DACH1: variants seen among roughly 807,000 people sequenced by gnomAD.
The protein encoded by DACH1 is dachshund family transcription factor 1.
DACH1 carries 12 observed loss-of-function variants against 54.2 expected under a neutral mutation model. The ratio of observed to expected loss-of-function variants is 0.22; its 90% CI spans 0.14 to 0.36. The LOEUF (loss-of-function observed/expected upper bound fraction) is 0.36. Among genes scored for constraint, DACH1 ranks in the 10% least tolerant of loss-of-function variants. The pLI is 1.00. For missense variants in DACH1, 805 were observed against 929.8 expected (o/e 0.87, Z 1.75); for synonymous variants, 386 against 366.2 (o/e 1.05, Z -0.62).
At chr13:71,706,227 A>G (rs1179246315) in intron 1 of DACH1, among the ~76,000 whole-genome samples, 2 of 151,748 alleles carry the variant, frequency 1.3e-5, no homozygotes, top group East Asian at 1.9e-4. Context: ...AATCAGGACA[A>G]CAAAAGGGAT....
At chr13:71,621,067 A>G (rs1019929942) in intron 3 of DACH1, among the ~76,000 whole-genome samples, 3 of 151,972 alleles carry the variant, frequency 2.0e-5, no homozygotes, top group Non-Finnish European at 4.4e-5. Flanking sequence ...TATGTTATCT[A>G]TGTGCATATA....
chr13:71,695,455 AAG>A (rs1220272615), intron 1 of DACH1, among the ~76,000 whole-genome samples: 5 of 152,240 alleles, frequency 3.3e-5, no homozygotes, highest in Admixed American at 1.3e-4. Flanking sequence ...AGAAAGGAAA[AAG>A]AGAAGAAACT....
chr13:71,573,488 C>T (rs1194350236), intron 3 of DACH1: 1 of 713,078 alleles, frequency 1.4e-6, no homozygotes, highest in Non-Finnish European at 2.6e-6. Flanking sequence ...GTGCTCCAGG[C>T]ATGCGGGGGT....
chr13:71,865,098 C>G (rs2138304163), intron 1 of DACH1, among the ~76,000 whole-genome samples: 1 of 152,258 alleles, frequency 6.6e-6, no homozygotes, highest in Middle Eastern at 3.4e-3. Context: ...GGTCACCTCC[C>G]CCTACCGAAG....
intron 6 of DACH1, among the ~76,000 whole-genome samples, chr13:71,505,010 T>C (rs1011460867): frequency 6.6e-6 from 1 of 152,198 alleles, no homozygotes; most frequent in African/African-American, 2.4e-5. Flanking sequence ...TACACTTAAC[T>C]CAGTTTTAAC....
chr13:71,476,711 A>G (rs1877552874), intron 8 of DACH1, among the ~76,000 whole-genome samples: 1 of 152,132 alleles, frequency 6.6e-6, no homozygotes, highest in Non-Finnish European at 1.5e-5. Flanking sequence ...TACATACTCG[A>G]TAAATAATAA....
rs1038008391 is a variant in DACH1 at position 71,581,386 on chromosome 13, C to T, written c.1127-8374G>A. Among the ~76,000 whole-genome samples, 10 of 152,066 alleles carry T rather than the reference C, an allele frequency of 6.6e-5. No individual in the cohort carries two copies. The South Asian group carries it at 2.1e-3, about 31-fold the overall frequency. On this transcript the variant is annotated intron_variant, in intron 3 of 10. Coordinates refer to ENST00000613252, the MANE Select transcript of DACH1 (RefSeq NM_080759.6). The stretch of plus-strand genomic sequence containing the variant: ...TTCAAGCGATTCTTCTGCCCAGCCT[C>T]CAGAGTAGCGAGACTACAGCACACG...
At chr13:71,766,132 C>A (rs897372246) in intron 1 of DACH1, among the ~76,000 whole-genome samples, 3 of 152,154 alleles carry the variant, frequency 2.0e-5, no homozygotes, top group African/African-American at 7.2e-5. Context: ...GTGATCCGTC[C>A]GCCTCGGCCT....
chr13:71,755,740 G>A (rs1265051610), intron 1 of DACH1, among the ~76,000 whole-genome samples: 1 of 152,158 alleles, frequency 6.6e-6, no homozygotes, highest in Non-Finnish European at 1.5e-5. Flanking sequence ...AGACAGACTT[G>A]TATAATGTCT....
intron 1 of DACH1, among the ~76,000 whole-genome samples, chr13:71,755,614 T>C (rs1192180004): frequency 6.6e-6 from 1 of 152,218 alleles, no homozygotes; most frequent in Non-Finnish European, 1.5e-5. Flanking sequence ...CTGAAAGGTA[T>C]GTATCCTAAC....
chr13:71,749,235 G>A (rs901840295), intron 1 of DACH1, among the ~76,000 whole-genome samples: 4 of 151,746 alleles, frequency 2.6e-5, no homozygotes, highest in Non-Finnish European at 4.4e-5. Context: ...CCACCGCCTC[G>A]GCCTCCCAAA....
chr13:71,645,407 T>A (rs1420975309), intron 2 of DACH1, among the ~76,000 whole-genome samples: 1 of 152,190 alleles, frequency 6.6e-6, no homozygotes, highest in Non-Finnish European at 1.5e-5. Context: ...AGAGTGGTCA[T>A]GGTTTATAAT....
chr13:71,816,040 G>C (rs943609982), intron 1 of DACH1, among the ~76,000 whole-genome samples: 2 of 151,916 alleles, frequency 1.3e-5, no homozygotes, highest in African/African-American at 2.4e-5. Flanking sequence ...AGCCGAGATC[G>C]CGCCACTGCA....
intron 6 of DACH1, among the ~76,000 whole-genome samples, chr13:71,555,659 C>G (rs1884197743): frequency 6.6e-6 from 1 of 151,898 alleles, no homozygotes; most frequent in African/African-American, 2.4e-5. Context: ...CTAATTTTTA[C>G]AATATTGCTA....
intron 1 of DACH1, among the ~76,000 whole-genome samples, chr13:71,852,369 T>TA (rs999640074): frequency 7.7e-6 from 1 of 129,802 alleles, no homozygotes; most frequent in African/African-American, 2.9e-5. Context: ...TGCTGCTTTT[T>TA]TTTTTTTTTC....
At chr13:71,823,319 A>G (rs184280951) in intron 1 of DACH1, among the ~76,000 whole-genome samples, 11 of 152,208 alleles carry the variant, frequency 7.2e-5, no homozygotes, top group Non-Finnish European at 1.5e-5. Context: ...AGTGGAAATT[A>G]AAAGGATTTC....
chr13:71,848,726 T>C (rs1024299431), intron 1 of DACH1, among the ~76,000 whole-genome samples: 2 of 152,192 alleles, frequency 1.3e-5, no homozygotes, highest in African/African-American at 4.8e-5. Flanking sequence ...GTTCTCACTA[T>C]GTTGCCCAGG....
intron 7 of DACH1, among the ~76,000 whole-genome samples, chr13:71,486,776 A>C (rs1040198637): frequency 6.6e-6 from 1 of 151,968 alleles, no homozygotes; most frequent in Admixed American, 6.6e-5. Context: ...GTAAGATTGA[A>C]GCGGACAAGC....
At chr13:71,742,409 G>C (rs1433772420) in intron 1 of DACH1, among the ~76,000 whole-genome samples, 2 of 151,930 alleles carry the variant, frequency 1.3e-5, no homozygotes, top group Non-Finnish European at 2.9e-5. Flanking sequence ...TATTCTTCTT[G>C]TCCCTCCAAA....
Sources: allele counts gnomAD v4.1 joint callset (sites outside exome capture counted in the v4.1 genomes callset), GRCh38; gene constraint gnomAD v4.1.1; transcripts MANE v1.5; gene names NCBI Gene and HGNC (gene_info 2026-07-23, HGNC 2026-07-21).